The following CSNK2A1 variants were observed in gnomAD, a reference collection of about 807,000 sequenced individuals.
CSNK2A1 encodes the protein casein kinase 2 alpha 1.
Under a neutral mutation model 62.9 loss-of-function variants are expected in CSNK2A1, and 10 were observed. The ratio of observed to expected loss-of-function variants is 0.16; its 90% CI spans 0.10 to 0.27. The LOEUF is 0.27. CSNK2A1 is among the 10% of genes least tolerant of loss of function. The pLI is 1.00. For missense variants in CSNK2A1, 160 were observed against 492.0 expected (o/e 0.33, Z 6.38); for synonymous variants, 124 against 167.8 (o/e 0.74, Z 2.02).
intron 2 of CSNK2A1, among the ~76,000 whole-genome samples, chr20:525,434 C>T (rs942573420): frequency 2.0e-4 from 30 of 150,924 alleles, no homozygotes; most frequent in Non-Finnish European, 3.8e-4. Flanking sequence ...GGGCGGATCA[C>T]GAGGTCAGAA....
At position 477,784 on chromosome 20, in the gene CSNK2A1, G is replaced by A. The variant is rs1190347355; in HGVS notation, c.*6177C>T. ...GGGCGGGCGGATCACCTGAGGTCGG[G>A]AGTTCGAGACCAGCCTGACCAACAT... On this transcript the variant is annotated 3_prime_UTR_variant, in exon 14 of 14. Coordinates refer to ENST00000217244, the MANE Select transcript of CSNK2A1 (RefSeq NM_177559.3). 6.6e-6 allele frequency: 1 copy of A among 152,302 alleles called. No individual in the cohort carries two copies. The highest frequency in any genetic ancestry group is 1.5e-5 in the Non-Finnish European group (1 of 68,168). The allele number at this position is 152,302 out of a possible 1,614,324, so 9.4% of individuals were successfully genotyped here.
chr20:525,865 G>C (rs1402603602), intron 2 of CSNK2A1, among the ~76,000 whole-genome samples: 5 of 145,998 alleles, frequency 3.4e-5, no homozygotes, highest in African/African-American at 1.3e-4. Context: ...AAAAAGCCAG[G>C]TGTGGTGGCA....
chr20:532,863 C>T (rs1250339404), intron 1 of CSNK2A1, among the ~76,000 whole-genome samples: 1 of 151,996 alleles, frequency 6.6e-6, no homozygotes, highest in Non-Finnish European at 1.5e-5. Context: ...GTCACTGACA[C>T]AAAAAAACAA....
At chr20:493,296 C>A (rs745597692) in intron 8 of CSNK2A1, among the ~76,000 whole-genome samples, 8 of 152,198 alleles carry the variant, frequency 5.3e-5, no homozygotes, top group Non-Finnish European at 1.0e-4. Context: ...CTGCCCCGAT[C>A]CAAGCCACCA....
chr20:524,553 AAAC>A (rs994195766), intron 2 of CSNK2A1, among the ~76,000 whole-genome samples: 14 of 151,578 alleles, frequency 9.2e-5, no homozygotes, highest in South Asian at 2.1e-4. Flanking sequence ...CTCTACTTAA[AAAC>A]AACAACAACA....
intron 1 of CSNK2A1, among the ~76,000 whole-genome samples, chr20:528,497 C>T (rs770150826): frequency 9.2e-5 from 14 of 152,128 alleles, no homozygotes; most frequent in Non-Finnish European, 8.8e-5. Context: ...GTGACTGCAG[C>T]CTTGACCTCC....
chr20:518,258 C>T (rs2018868046), intron 2 of CSNK2A1, among the ~76,000 whole-genome samples: 1 of 152,166 alleles, frequency 6.6e-6, no homozygotes. Context: ...GAATTTTGTT[C>T]TCACATAAAC....
chr20:496,043 A>G, intron 7 of CSNK2A1: 1 of 447,414 alleles, frequency 2.2e-6, no homozygotes, highest in Non-Finnish European at 4.1e-6. Context: ...TTTCTGTCCT[A>G]AAAGACCCAA....
intron 2 of CSNK2A1, among the ~76,000 whole-genome samples, chr20:511,178 A>C (rs1359186549): frequency 1.3e-5 from 2 of 152,014 alleles, no homozygotes; most frequent in East Asian, 3.9e-4. Flanking sequence ...ATCTCTACTG[A>C]AAATACAAAA....
At chr20:542,189 T>C (rs535503877) in intron 1 of CSNK2A1, among the ~76,000 whole-genome samples, 4 of 152,328 alleles carry the variant, frequency 2.6e-5, no homozygotes, top group African/African-American at 7.2e-5. Context: ...TGCCAGACAC[T>C]GTAGTAAGCA....
chr20:514,281 T>C (rs1282881275), intron 2 of CSNK2A1, among the ~76,000 whole-genome samples: 3 of 151,662 alleles, frequency 2.0e-5, no homozygotes, highest in Non-Finnish European at 4.4e-5. Context: ...GAGGTCAAGG[T>C]TGCAGTGAGC....
At chr20:529,942 C>CTG (rs2019178192) in intron 1 of CSNK2A1, among the ~76,000 whole-genome samples, 1 of 152,138 alleles carries the variant, frequency 6.6e-6, no homozygotes, top group Non-Finnish European at 1.5e-5. Flanking sequence ...CAGGACTACT[C>CTG]TGTGTGTATA....
chr20:480,644 A>C lies in CSNK2A1; in HGVS notation c.*3317T>G, dbSNP rs1280159682. On this transcript the variant is annotated 3_prime_UTR_variant, in exon 14 of 14. Coordinates refer to ENST00000217244, the MANE Select transcript of CSNK2A1 (RefSeq NM_177559.3). ...GGAAGGAACTGAGCATGACCTTACC[A>C]CACAGCCTTTTTAGTTAAGTGTTTC... is the stretch of plus-strand genomic sequence containing the variant. 1 of 152,198 alleles carries C rather than the reference A, an allele frequency of 6.6e-6. No individual in the cohort carries two copies. The highest frequency in any genetic ancestry group is 2.4e-5 in the African/African-American group (1 of 41,430). 9.4% of individuals were successfully genotyped at this position (152,198 alleles called of 1,614,324 possible).
intron 2 of CSNK2A1, among the ~76,000 whole-genome samples, chr20:520,187 G>C (rs748372105): frequency 2.0e-5 from 3 of 152,014 alleles, no homozygotes; most frequent in Non-Finnish European, 2.9e-5. Flanking sequence ...TTAAATATAA[G>C]TGGAATAAAT....
intron 2 of CSNK2A1, among the ~76,000 whole-genome samples, chr20:517,194 C>T (rs1338305785): frequency 6.6e-6 from 1 of 152,214 alleles, no homozygotes; most frequent in East Asian, 1.9e-4. Flanking sequence ...CAAACTTGCC[C>T]ATTTCCCTTT....
At chr20:518,263 A>T (rs1370468095) in intron 2 of CSNK2A1, among the ~76,000 whole-genome samples, 1 of 152,246 alleles carries the variant, frequency 6.6e-6, no homozygotes, top group Non-Finnish European at 1.5e-5. Context: ...TTGTTCTCAC[A>T]TAAACCAAAG....
rs111818075 is a variant in CSNK2A1 at position 483,804 on chromosome 20, A to AT, written c.*156dup. On this transcript the variant is annotated 3_prime_UTR_variant, in exon 14 of 14. Transcript: ENST00000217244. ...GAAAAAAGAAAATCAGCCTATTATAATTTTTTTTTTATGACTGAACTACTA... is the reference window on the plus strand; with the variant it reads ...GAAAAAAGAAAATCAGCCTATTATAATTTTTTTTTTTATGACTGAACTACTA... 2,054 of 416,610 alleles carry AT rather than the reference A, an allele frequency of 4.9e-3. 1 individual carries two copies. The highest frequency in any genetic ancestry group is 6.3e-3 in the East Asian group (145 of 23,126). The allele number at this position is 416,610 out of a possible 1,614,324, so 25.8% of individuals were successfully genotyped here.
chr20:511,155 A>C (rs1346416533), intron 2 of CSNK2A1, among the ~76,000 whole-genome samples: 1 of 152,072 alleles, frequency 6.6e-6, no homozygotes, highest in Non-Finnish European at 1.5e-5. Context: ...TCTGGGCAAC[A>C]TGGTAAAACC....
In CSNK2A1 at chr20:481,897, C is replaced by G. The variant is rs925882055; in HGVS notation, c.*2064G>C. 2.0e-5 allele frequency: 3 copies of G among 152,236 alleles called. No individual in the cohort carries two copies. Among genetic ancestry groups the G allele is most frequent in the African/African-American group, 7.2e-5 (3 of 41,456 alleles). 9.4% of individuals were successfully genotyped at this position (152,236 alleles called of 1,614,324 possible). On this transcript the variant is annotated 3_prime_UTR_variant, in exon 14 of 14. Coordinates refer to ENST00000217244, the MANE Select transcript of CSNK2A1 (RefSeq NM_177559.3). ...AAATTCAACATGGTAACCCTCACAG[C>G]ATTCTAGGGCATAAAAGGGTCAAGT...
Sources: allele counts gnomAD v4.1 joint callset (sites outside exome capture counted in the v4.1 genomes callset), GRCh38; gene constraint gnomAD v4.1.1; transcripts MANE v1.5; gene names NCBI Gene and HGNC (gene_info 2026-07-23, HGNC 2026-07-21).